RBMS3: variants seen among roughly 807,000 people sequenced by gnomAD.
RBMS3 encodes the protein RNA binding motif single stranded interacting protein 3.
Under a neutral mutation model 66.8 loss-of-function variants are expected in RBMS3, and 27 were observed. The ratio of observed to expected loss-of-function variants is 0.40; its 90% CI spans 0.30 to 0.56. RBMS3 has a LOEUF of 0.56. Among genes scored for constraint, RBMS3 ranks in the 20% least tolerant of loss-of-function variants. RBMS3 has a pLI of 0.40. For synonymous variants in RBMS3, 188 were observed against 183.0 expected (o/e 1.03, Z -0.22); for missense variants, 513 against 549.5 (o/e 0.93, Z 0.66).
At chr3:29,709,077 C>T (rs73829310) in intron 4 of RBMS3, among the ~76,000 whole-genome samples, 7,775 of 152,214 alleles carry the variant, frequency 0.051, 683 homozygotes, top group African/African-American at 0.18. Context: ...TCACAGCTTG[C>T]GTTCTCCCTT....
intron 3 of RBMS3, among the ~76,000 whole-genome samples, chr3:29,521,769 C>T (rs2044867703): frequency 6.6e-6 from 1 of 152,122 alleles, no homozygotes; most frequent in African/African-American, 2.4e-5. Context: ...ACTGAAGCAG[C>T]GAAGGCATCA....
At chr3:29,427,453 G>A (rs778566394) in intron 1 of RBMS3, among the ~76,000 whole-genome samples, 12 of 152,166 alleles carry the variant, frequency 7.9e-5, no homozygotes, top group East Asian at 1.9e-4. Flanking sequence ...ACTCTCTCAC[G>A]TTGTGTTCAC....
At chr3:29,410,686 T>G (rs1490912832) in intron 1 of RBMS3, among the ~76,000 whole-genome samples, 4 of 152,204 alleles carry the variant, frequency 2.6e-5, no homozygotes. Flanking sequence ...TTTTAAATTC[T>G]GAATAGAAAG....
rs1484053369 is a variant in RBMS3 at position 29,986,993 on chromosome 3, G to A, written c.1099-1150G>A. Reference sequence around the variant, plus strand: ...AAAGAAAAAGAAAAGATGGACTAGTGTTCAGATGCTTTCCTTGATTCAGAA... The same window carrying A: ...AAAGAAAAAGAAAAGATGGACTAGTATTCAGATGCTTTCCTTGATTCAGAA... On this transcript the variant is annotated intron_variant, in intron 12 of 14. Coordinates refer to ENST00000383767, the MANE Select transcript of RBMS3 (RefSeq NM_001003793.3). Among the ~76,000 whole-genome samples, 3 of 152,092 alleles carry A rather than the reference G, an allele frequency of 2.0e-5. No individual in the cohort carries two copies. The East Asian group carries it at 5.8e-4, about 29-fold the overall frequency.
At chr3:29,374,624 T>A (rs572201896) in intron 1 of RBMS3, among the ~76,000 whole-genome samples, 1 of 152,350 alleles carries the variant, frequency 6.6e-6, no homozygotes, top group South Asian at 2.1e-4. Flanking sequence ...GTTCTGAGCA[T>A]GTTTAAGTTA....
chr3:29,996,311 T>A (rs1699239674), intron 14 of RBMS3, among the ~76,000 whole-genome samples: 1 of 150,846 alleles, frequency 6.6e-6, no homozygotes, highest in Admixed American at 6.6e-5. Flanking sequence ...TCCCACACAT[T>A]AATAATGGGA....
chr3:29,620,904 C>A (rs1392069674), intron 4 of RBMS3, among the ~76,000 whole-genome samples: 1 of 152,048 alleles, frequency 6.6e-6, no homozygotes, highest in Non-Finnish European at 1.5e-5. Flanking sequence ...TAACCAATTA[C>A]TTTATTATTG....
Position 29,884,186 on chromosome 3 carries a change from C to G in RBMS3, c.769C>G (p.Pro257Ala), listed in dbSNP as rs1159838627. The G allele has an allele frequency of 6.2e-7, 1 of 1,611,558 alleles. No individual in the cohort carries two copies. The highest frequency in any genetic ancestry group is 1.3e-5 in the African/African-American group (1 of 74,722). ...GGCTGGCATGGCTTTGACCTATGAC[C>G]CCACAGCTGCCATACAGAATGGGTA... Reference protein sequence around the residue: ...GEAGMALTYDPTAAIQNGFYS... With the variant: ...GEAGMALTYDATAAIQNGFYS... The change falls in exon 8 of 15, where the codon CCC (proline) becomes GCC (alanine). Residue 257 changes from proline to alanine, a missense_variant. Pro to Ala is a conservative substitution (Grantham distance 27). Coordinates refer to ENST00000383767, the MANE Select transcript of RBMS3 (RefSeq NM_001003793.3).
chr3:29,306,982 A>C (rs1422052795), intron 1 of RBMS3, among the ~76,000 whole-genome samples: 1 of 151,982 alleles, frequency 6.6e-6, no homozygotes, highest in Non-Finnish European at 1.5e-5. Context: ...TGGCAAAGCC[A>C]CATTTAAATT....
At chr3:29,660,958 C>A (rs185239687) in intron 4 of RBMS3, among the ~76,000 whole-genome samples, 1 of 152,252 alleles carries the variant, frequency 6.6e-6, no homozygotes, top group Non-Finnish European at 1.5e-5. Context: ...TAATCAGAAG[C>A]AATAATCAGC....
intron 1 of RBMS3, among the ~76,000 whole-genome samples, chr3:29,361,047 A>T (rs113419485): frequency 0.01 from 1,542 of 152,068 alleles, 52 homozygotes; most frequent in African/African-American, 0.035. Flanking sequence ...GCCCATTTCC[A>T]TTTAAGGTTA....
At chr3:29,680,997 T>G (rs2149259998) in intron 4 of RBMS3, among the ~76,000 whole-genome samples, 2 of 152,360 alleles carry the variant, frequency 1.3e-5, no homozygotes, top group South Asian at 4.1e-4. Context: ...TATGTATGTC[T>G]GCATTGATGC....
At chr3:29,485,910 C>A (rs1328207770) in intron 2 of RBMS3, among the ~76,000 whole-genome samples, 2 of 152,098 alleles carry the variant, frequency 1.3e-5, no homozygotes, top group Non-Finnish European at 2.9e-5. Flanking sequence ...TTGATCTAAA[C>A]CCTAAGAAGG....
intron 4 of RBMS3, among the ~76,000 whole-genome samples, chr3:29,725,144 T>C (rs907918181): frequency 6.6e-6 from 1 of 152,192 alleles, no homozygotes; most frequent in African/African-American, 2.4e-5. Context: ...GGTGAGCTAC[T>C]TACTGAATCA....
intron 12 of RBMS3, among the ~76,000 whole-genome samples, chr3:29,982,563 A>G (rs1047571944): frequency 4.6e-5 from 7 of 152,234 alleles, no homozygotes; most frequent in East Asian, 1.9e-4. Flanking sequence ...AGTGCTATCA[A>G]TTTCCCTCTA....
rs1171587926 is a variant in RBMS3 at position 29,366,634 on chromosome 3, C to G, written c.76-68109C>G. Among the ~76,000 whole-genome samples, 4 of 152,082 alleles carry G rather than the reference C, an allele frequency of 2.6e-5. No individual in the cohort carries two copies. The East Asian group carries it at 7.7e-4, about 29-fold the overall frequency. On this transcript the variant is annotated intron_variant, in intron 1 of 14. Transcript: ENST00000383767. ...AAGCGATCTGCCCGTCTCTGCCTCT[C>G]AAAGTACTGGTATTATAGGCATGAG...
At chr3:29,789,394 T>A (rs968744588) in intron 6 of RBMS3, among the ~76,000 whole-genome samples, 2 of 152,112 alleles carry the variant, frequency 1.3e-5, no homozygotes, top group African/African-American at 4.8e-5. Context: ...ATTTTAGCAT[T>A]AGTTGTAAGA....
intron 6 of RBMS3, among the ~76,000 whole-genome samples, chr3:29,799,281 C>T (rs1429301488): frequency 6.6e-6 from 1 of 152,150 alleles, no homozygotes; most frequent in East Asian, 1.9e-4. Flanking sequence ...ACTGTCAAGC[C>T]TTTCACTTTT....
rs1301833942 is a variant in RBMS3 at position 30,005,594 on chromosome 3, A to G, written c.*1732A>G. ...ACAATAGTCTTCCCTCTAAATTACA[A>G]CACCTCTGGGTTTTGTCTTTACACC... On this transcript the variant is annotated 3_prime_UTR_variant, in exon 15 of 15. Transcript: ENST00000383767. 1 of 151,786 alleles carries G rather than the reference A, an allele frequency of 6.6e-6. No individual in the cohort carries two copies. Among genetic ancestry groups the G allele is most frequent in the Non-Finnish European group, 1.5e-5 (1 of 67,814 alleles). 9.4% of individuals were successfully genotyped at this position (151,786 alleles called of 1,614,324 possible). A position where few individuals can be genotyped will look rare whatever the true frequency, so the allele number is the denominator to read the frequency against.
Sources: gnomAD v4.1 joint callset for allele counts (sites outside exome capture counted in the v4.1 genomes callset) on GRCh38, gnomAD v4.1.1 for gene constraint, MANE v1.5 for transcripts, NCBI Gene and HGNC (gene_info 2026-07-23, HGNC 2026-07-21) for gene names.